TRPM3: variants seen among roughly 807,000 people sequenced by gnomAD.
TRPM3 encodes transient receptor potential cation channel subfamily M member 3, also known as long transient receptor potential channel 3.
In TRPM3, 77 loss-of-function variants were observed where a neutral mutation model predicts 181.2. The ratio of observed to expected loss-of-function variants is 0.42; its 90% confidence interval spans 0.35 to 0.51. The LOEUF (loss-of-function observed/expected upper bound fraction) is 0.51, where lower values mean the gene tolerates loss of function less well. Among genes scored for constraint, TRPM3 ranks in the 20% least tolerant of loss-of-function variants. The pLI, the probability that TRPM3 is intolerant of heterozygous loss-of-function variation, is 0.01. For missense variants in TRPM3, 1,759 were observed against 2,196.7 expected (o/e 0.80, Z 3.98); for synonymous variants, 745 against 796.4 (o/e 0.94, Z 1.09).
In TRPM3 at chr9:71,111,625, C is replaced by T. The variant is rs541432923; in HGVS notation, c.177+9553G>A. On this transcript the variant is annotated intron_variant, in intron 1 of 25. Transcript: ENST00000677713. ...TTGAGGCTGAGAAATCCTGTTTTAA[C>T]GAAACATCATTAGGCTAGCCCAAAG... Among the ~76,000 whole-genome samples, 54 of 152,266 alleles carry T rather than the reference C, an allele frequency of 3.5e-4. No individual in the cohort carries two copies. In the East Asian group the frequency reaches 8.5e-3, roughly 24 times the overall value.
chr9:71,270,120 C>G (rs1310815014), intron 1 of TRPM3, among the ~76,000 whole-genome samples: 2 of 152,148 alleles, frequency 1.3e-5, no homozygotes, highest in African/African-American at 4.8e-5. Flanking sequence ...GAGGCCAAGG[C>G]AGGCTCATCA....
intron 25 of TRPM3, among the ~76,000 whole-genome samples, chr9:70,548,823 A>G (rs1443617837): frequency 1.4e-5 from 2 of 141,396 alleles, no homozygotes; most frequent in African/African-American, 5.3e-5. Flanking sequence ...GGTTTAAATA[A>G]TTCTCTTTAT....
intron 1 of TRPM3, among the ~76,000 whole-genome samples, chr9:71,055,154 T>G (rs867058749): frequency 1.0e-3 from 156 of 152,144 alleles, no homozygotes; most frequent in African/African-American, 3.6e-3. Flanking sequence ...GACTGAATAT[T>G]TGTGATTTCA....
At chr9:71,309,544 G>A (rs2087720800) in intron 1 of TRPM3, among the ~76,000 whole-genome samples, 1 of 152,084 alleles carries the variant, frequency 6.6e-6, no homozygotes, top group Admixed American at 6.6e-5. Context: ...AGTATGCTCT[G>A]CAAAATCCAT....
intron 1 of TRPM3, among the ~76,000 whole-genome samples, chr9:71,228,578 A>T (rs996717049): frequency 6.6e-6 from 1 of 152,164 alleles, no homozygotes; most frequent in Non-Finnish European, 1.5e-5. Flanking sequence ...GGAAAAACTT[A>T]AAGACTTCAC....
chr9:70,766,115 C>A (rs1406290496), intron 7 of TRPM3, among the ~76,000 whole-genome samples: 1 of 152,088 alleles, frequency 6.6e-6, no homozygotes, highest in Non-Finnish European at 1.5e-5. Context: ...TATACTATGG[C>A]ATTTGTGTCT....
intron 1 of TRPM3, among the ~76,000 whole-genome samples, chr9:70,889,620 T>A (rs1171469161): frequency 6.6e-6 from 1 of 152,196 alleles, no homozygotes; most frequent in Non-Finnish European, 1.5e-5. Flanking sequence ...AAGAAAATAC[T>A]GGGTATCCAT....
intron 6 of TRPM3, among the ~76,000 whole-genome samples, chr9:70,816,175 C>T (rs143443267): frequency 1.3e-5 from 2 of 152,318 alleles, no homozygotes; most frequent in African/African-American, 4.8e-5. Context: ...TGACCCAGTT[C>T]ACTATTTATT....
At chr9:71,274,287 T>C (rs2084021506) in intron 1 of TRPM3, among the ~76,000 whole-genome samples, 1 of 152,206 alleles carries the variant, frequency 6.6e-6, no homozygotes, top group Admixed American at 6.5e-5. Context: ...TCAGGACAAG[T>C]ACTGAAAATT....
At chr9:71,191,331 A>G (rs1402684511) in intron 1 of TRPM3, among the ~76,000 whole-genome samples, 1 of 151,810 alleles carries the variant, frequency 6.6e-6, no homozygotes, top group Non-Finnish European at 1.5e-5. Context: ...CTTTTTGTCT[A>G]TAAAGACAAA....
chr9:71,173,833 A>C (rs1006202122), intron 1 of TRPM3, among the ~76,000 whole-genome samples: 50 of 152,326 alleles, frequency 3.3e-4, no homozygotes, highest in African/African-American at 1.2e-3. Flanking sequence ...TCTTGAAACA[A>C]CTGTTCTTAC....
At chr9:71,318,076 C>A (rs528551051) in intron 1 of TRPM3, among the ~76,000 whole-genome samples, 1 of 151,812 alleles carries the variant, frequency 6.6e-6, no homozygotes, top group Non-Finnish European at 1.5e-5. Context: ...ACTGGAAGAC[C>A]CTGTCTCTAC....
chr9:70,550,143 T>C (rs1240893885), intron 24 of TRPM3, among the ~76,000 whole-genome samples: 1 of 152,202 alleles, frequency 6.6e-6, no homozygotes. Flanking sequence ...CCAGTTTCCC[T>C]TGAAGCTAGC....
chr9:70,666,846 A>G (rs567447305), intron 9 of TRPM3, among the ~76,000 whole-genome samples: 5 of 152,030 alleles, frequency 3.3e-5, no homozygotes, highest in African/African-American at 1.2e-4. Context: ...TCTCTCTTTT[A>G]TTCTTCCTGT....
chr9:71,088,579 T>C (rs1017232840), intron 1 of TRPM3, among the ~76,000 whole-genome samples: 6 of 152,066 alleles, frequency 3.9e-5, no homozygotes, highest in African/African-American at 1.4e-4. Context: ...CTAAATAACA[T>C]TACTTAATTG....
At chr9:70,670,087 G>A (rs2062631314) in intron 9 of TRPM3, among the ~76,000 whole-genome samples, 2 of 152,210 alleles carry the variant, frequency 1.3e-5, no homozygotes, top group South Asian at 2.1e-4. Context: ...GGTGGTGGTG[G>A]TGGGGTGTGA....
At position 70,658,133 on chromosome 9, in the gene TRPM3, A is replaced by T. The variant is rs2060624718; in HGVS notation, c.1346-17473T>A. 3.3e-5 allele frequency among the ~76,000 whole-genome samples: 5 copies of T among 152,308 alleles called. No homozygotes were observed. The South Asian group carries it at 1.0e-3, about 32-fold the overall frequency. On this transcript the variant is annotated intron_variant, in intron 9 of 25. Coordinates refer to ENST00000677713, the MANE Select transcript of TRPM3 (RefSeq NM_001366145.2). ...GATTGTTTATAAAATTTTGAAAAAC[A>T]AATTTAATTAGCTTCATGCTGTTTT...
At chr9:70,813,036 G>T (rs1166043057) in intron 6 of TRPM3, among the ~76,000 whole-genome samples, 1 of 152,202 alleles carries the variant, frequency 6.6e-6, no homozygotes, top group Non-Finnish European at 1.5e-5. Context: ...GGAGTTTAGA[G>T]TTCAGGTTCA....
intron 1 of TRPM3, among the ~76,000 whole-genome samples, chr9:71,360,533 C>A (rs1013266141): frequency 2.0e-5 from 3 of 152,294 alleles, no homozygotes; most frequent in African/African-American, 7.2e-5. Context: ...CATTTGATTT[C>A]TAATTTTATT....
Sources: gnomAD v4.1 joint callset for allele counts (sites outside exome capture counted in the v4.1 genomes callset) on GRCh38, gnomAD v4.1.1 for gene constraint, MANE v1.5 for transcripts, NCBI Gene and HGNC (gene_info 2026-07-23, HGNC 2026-07-21) for gene names.